The following KIF27 variants were observed in gnomAD, a reference collection of about 807,000 sequenced individuals.
KIF27 encodes the protein kinesin-like protein KIF27.
In KIF27, 84 loss-of-function variants were observed where a neutral mutation model predicts 141.8. That is an observed-to-expected ratio of 0.59 (90% CI 0.50 to 0.71). The LOEUF (loss-of-function observed/expected upper bound fraction) is 0.71, where lower values mean the gene tolerates loss of function less well. Among genes scored for constraint, KIF27 ranks in the 30% least tolerant of loss-of-function variants. The pLI is 0.00. For missense variants in KIF27, 1,306 were observed against 1,628.4 expected (o/e 0.80, Z 3.41); for synonymous variants, 471 against 569.5 (o/e 0.83, Z 2.46).
intron 2 of KIF27, among the ~76,000 whole-genome samples, chr9:83,909,611 CAAAAAAAAA>C (rs535947964): frequency 8.5e-4 from 60 of 70,514 alleles, no homozygotes; most frequent in Non-Finnish European, 1.6e-3. Context: ...GAAACTGTCT[CAAAAAAAAA>C]AAAAAAAAAG....
In KIF27 at chr9:83,870,133, A is replaced by ATCTGTCTC. The variant is rs1950649961; in HGVS notation, c.2757+385_2757+386insGAGACAGA. Among the ~76,000 whole-genome samples, 3 of 149,046 alleles carry ATCTGTCTC rather than the reference A, an allele frequency of 2.0e-5. No individual in the cohort carries two copies. In the Admixed American group the frequency reaches 2.0e-4, roughly 10 times the overall value. On this transcript the variant is annotated intron_variant, in intron 12 of 17. Coordinates refer to ENST00000297814, the MANE Select transcript of KIF27 (RefSeq NM_017576.4). The stretch of plus-strand genomic sequence containing the variant: ...TCAGAGTCCACCAGTTTTTACATCT[A>ATCTGTCTC]TCTATCTCTCTATCTATCTATCTAT...
In KIF27 at chr9:83,836,342, A is replaced by T. The variant is rs1040347725; in HGVS notation, c.*659T>A. Among the ~76,000 whole-genome samples, 3 of 152,180 alleles carry T rather than the reference A, an allele frequency of 2.0e-5. No homozygotes were observed. The highest frequency in any genetic ancestry group is 7.2e-5 in the African/African-American group (3 of 41,452). On this transcript the variant is annotated 3_prime_UTR_variant, in exon 18 of 18. Transcript: ENST00000297814. ...AATGAGAGATATATTGAGTGTATAG[A>T]GCAGGAAAGACATGAAAACTTATAT...
At chr9:83,866,938 T>C (rs903089428) in intron 13 of KIF27, among the ~76,000 whole-genome samples, 8 of 151,672 alleles carry the variant, frequency 5.3e-5, no homozygotes, top group East Asian at 3.9e-4. Context: ...ATCAATTTTA[T>C]ATTTTATTCA....
At position 83,837,405 on chromosome 9, in the gene KIF27, C is replaced by G. The variant is rs540787693; in HGVS notation, c.3802G>C (p.Glu1268Gln). The change falls in exon 18 of 18, where the codon GAA (glutamate) becomes CAA (glutamine). Residue 1268 changes from glutamate to glutamine, a missense_variant. By Grantham distance (29) the Glu-to-Gln change is conservative (BLOSUM62 2). Around this residue, in one of 4 missense-constraint regions of KIF27, gnomAD observed 148 missense variants for 250.9 expected, o/e 0.59. Transcript: ENST00000297814. ...SEELKWASRP[E>Q]SMKLSGRERE... ...TCTCTTCCACTTAATTTCATACTTT[C>G]AGGTCTGGATGCCCATTTTAATTCT... The G allele has an allele frequency of 3.1e-6, 5 of 1,612,634 alleles. No homozygotes were observed. Among genetic ancestry groups the G allele is most frequent in the African/African-American group, 2.7e-5 (2 of 74,958 alleles).
intron 16 of KIF27, among the ~76,000 whole-genome samples, chr9:83,842,614 T>C (rs762976966): frequency 3.9e-5 from 6 of 152,112 alleles, no homozygotes; most frequent in Admixed American, 6.6e-5. Flanking sequence ...TACAGGTGCC[T>C]GGCACCACGC....
chr9:83,878,773 A>C (rs1208748051), intron 11 of KIF27, among the ~76,000 whole-genome samples: 1 of 152,212 alleles, frequency 6.6e-6, no homozygotes, highest in Admixed American at 6.5e-5. Flanking sequence ...GCTATTCCAT[A>C]ATATTACAGA....
chr9:83,881,826 T>A (rs1951701223), intron 10 of KIF27, among the ~76,000 whole-genome samples: 1 of 152,232 alleles, frequency 6.6e-6, no homozygotes. Context: ...AATATCAGTG[T>A]ACATCCTGAA....
At chr9:83,852,735 C>A (rs1948750434) in intron 15 of KIF27, among the ~76,000 whole-genome samples, 1 of 152,014 alleles carries the variant, frequency 6.6e-6, no homozygotes, top group African/African-American at 2.4e-5. Flanking sequence ...CTCATGTGAT[C>A]CTCCTGCCTC....
chr9:83,912,129 A>G (rs953245427), intron 2 of KIF27, among the ~76,000 whole-genome samples: 1 of 152,238 alleles, frequency 6.6e-6, no homozygotes, highest in African/African-American at 2.4e-5. Flanking sequence ...AGTGGAGGGA[A>G]AAGCTGAGAC....
chr9:83,866,438 T>A (rs1284987359), intron 13 of KIF27, among the ~76,000 whole-genome samples: 1 of 152,162 alleles, frequency 6.6e-6, no homozygotes, highest in Non-Finnish European at 1.5e-5. Flanking sequence ...TAAGCTCTCA[T>A]CTATTTGCTT....
chr9:83,861,327 C>A (rs924764314), intron 13 of KIF27, among the ~76,000 whole-genome samples: 1 of 152,000 alleles, frequency 6.6e-6, no homozygotes, highest in Non-Finnish European at 1.5e-5. Context: ...TATCCCTCCC[C>A]CCTTCCCCCA....
At chr9:83,911,904 C>T (rs941392717) in intron 2 of KIF27, among the ~76,000 whole-genome samples, 2 of 152,020 alleles carry the variant, frequency 1.3e-5, no homozygotes, top group African/African-American at 2.4e-5. Context: ...TCAGAGAATG[C>T]GGGGAGAGCT....
chr9:83,852,651 A>G (rs1041067066), intron 15 of KIF27, among the ~76,000 whole-genome samples: 6 of 152,128 alleles, frequency 3.9e-5, no homozygotes, highest in African/African-American at 1.2e-4. Flanking sequence ...TTTTTTTGAG[A>G]CAGGCTGTTG....
At chr9:83,852,282 T>TA (rs35725807) in intron 15 of KIF27, among the ~76,000 whole-genome samples, 18 of 147,676 alleles carry the variant, frequency 1.2e-4, no homozygotes, top group African/African-American at 2.2e-4. Context: ...CCGTCTCTAC[T>TA]AAAAAAAAAA....
At chr9:83,858,775 C>A in intron 14 of KIF27, 1 of 236,148 alleles carries the variant, frequency 4.2e-6, no homozygotes. Context: ...AATAAATTAC[C>A]TAGTATCATT....
At chr9:83,850,426 G>T (rs1948411401) in intron 15 of KIF27, 129 bp from the exon 16 acceptor site, 1 of 647,852 alleles carries the variant, frequency 1.5e-6, no homozygotes, top group African/African-American at 1.8e-5. Context: ...GCCAGGTATT[G>T]GGTCCTTAGG....
chr9:83,917,067 T>C (rs1474310292), intron 1 of KIF27, among the ~76,000 whole-genome samples: 1 of 152,108 alleles, frequency 6.6e-6, no homozygotes, highest in Non-Finnish European at 1.5e-5. Flanking sequence ...TGTGCCATGT[T>C]GGTGTGCTGC....
intron 2 of KIF27, among the ~76,000 whole-genome samples, chr9:83,909,990 G>C (rs1354731124): frequency 6.6e-6 from 1 of 152,058 alleles, no homozygotes; most frequent in Admixed American, 6.6e-5. Flanking sequence ...CTTGAGCCTG[G>C]GAGACAGAGG....
intron 5 of KIF27, among the ~76,000 whole-genome samples, chr9:83,894,092 A>G (rs1952938295): frequency 6.6e-6 from 1 of 152,230 alleles, no homozygotes; most frequent in Non-Finnish European, 1.5e-5. Flanking sequence ...GAAAATACTA[A>G]TATGATTTAA....
Sources: gnomAD v4.1 joint callset for allele counts (sites outside exome capture counted in the v4.1 genomes callset) on GRCh38, gnomAD v4.1.1 for gene constraint, gnomAD v4.1.1 regional missense constraint, MANE v1.5 for transcripts, NCBI Gene and HGNC (gene_info 2026-07-23, HGNC 2026-07-21) for gene names.